Variants in LAMC3 observed in about 807,000 individuals in gnomAD.
LAMC3 encodes laminin subunit gamma-3.
A neutral mutation model predicts 173.8 loss-of-function variants in LAMC3; 128 were observed. The observed-to-expected ratio is 0.74, with a 90% confidence interval of 0.64 to 0.85. The LOEUF (loss-of-function observed/expected upper bound fraction) is 0.85, where lower values mean the gene tolerates loss of function less well. Among genes scored for constraint, LAMC3 ranks in the 40% least tolerant of loss-of-function variants. The pLI is 0.00. For missense variants in LAMC3, 2,022 were observed against 2,156.0 expected (o/e 0.94, Z 1.23); for synonymous variants, 897 against 909.1 (o/e 0.99, Z 0.24).
intron 1 of LAMC3, among the ~76,000 whole-genome samples, chr9:131,010,753 C>T (rs1833401218): frequency 2.0e-5 from 3 of 152,354 alleles, no homozygotes; most frequent in African/African-American, 4.8e-5. Context: ...GCCTCTCTGC[C>T]CTGCTCATGA....
intron 7 of LAMC3, 74 bp from the exon 8 acceptor site, chr9:131,045,450 C>T (rs1314610727): frequency 6.4e-7 from 1 of 1,561,156 alleles, no homozygotes; most frequent in African/African-American, 1.4e-5. Context: ...ATTGGTCCAG[C>T]TGGGATACCC....
chr9:131,040,793 C>T (rs1391539954), intron 6 of LAMC3, among the ~76,000 whole-genome samples: 1 of 152,198 alleles, frequency 6.6e-6, no homozygotes, highest in Non-Finnish European at 1.5e-5. Context: ...CCACCTGCCC[C>T]TCGCCTGCAC....
chr9:131,039,422 C>T (rs534288484), intron 6 of LAMC3, among the ~76,000 whole-genome samples, 174 bp downstream of exon 6: 91 of 152,262 alleles, frequency 6.0e-4, no homozygotes, highest in African/African-American at 2.0e-3. Flanking sequence ...GAGACAAAAA[C>T]AGACCTTAAT....
At position 131,059,923 on chromosome 9, in the gene LAMC3, C is replaced by T. The variant is rs1246484848; in HGVS notation, c.2159-1112C>T. On this transcript the variant is annotated intron_variant, in intron 12 of 27. Coordinates refer to ENST00000361069, the MANE Select transcript of LAMC3 (RefSeq NM_006059.4). ...GTTCTCACTCTTCCTCCCAGGTCACCTGTGCCTTGGCTGCTGGGGTGCTGC... is the reference window on the plus strand; with the variant it reads ...GTTCTCACTCTTCCTCCCAGGTCACTTGTGCCTTGGCTGCTGGGGTGCTGC... 4.6e-5 allele frequency among the ~76,000 whole-genome samples: 7 copies of T among 152,244 alleles called. 1 individual carries two copies. The highest frequency in any genetic ancestry group is 1.7e-4 in the African/African-American group (7 of 41,464).
intron 2 of LAMC3, among the ~76,000 whole-genome samples, chr9:131,030,766 G>A (rs1231755029): frequency 3.3e-5 from 5 of 152,228 alleles, no homozygotes; most frequent in African/African-American, 1.2e-4. Flanking sequence ...GCCACAGCGC[G>A]TTCAGCTCTG....
Position 131,049,055 on chromosome 9 carries a change from T to C in LAMC3, c.1555T>C (p.Ser519Pro). ...CTGGTGGGCCAGAAGTGTGGGGGGC[T>C]CTGAGCACCCCCCACAATGGAGCCC... ...EGWWARSVGGSEHPPQWSPNG... is the reference protein window; with the variant it reads ...EGWWARSVGGPEHPPQWSPNG... Residue 519 changes from serine (S) to proline (P), a missense_variant, in exon 9 of 28, where the codon TCT (serine) becomes CCT (proline). Ser to Pro is a moderately conservative substitution (Grantham distance 74). Coordinates refer to ENST00000361069, the MANE Select transcript of LAMC3 (RefSeq NM_006059.4). 4 of 1,551,570 alleles carry C rather than the reference T, an allele frequency of 2.6e-6. No individual in the cohort carries two copies. The highest frequency in any genetic ancestry group is 3.5e-6 in the Non-Finnish European group (4 of 1,146,918).
intron 19 of LAMC3, 46 bp from the exon 20 acceptor site, chr9:131,073,199 T>C: frequency 7.0e-7 from 1 of 1,436,010 alleles, no homozygotes; most frequent in Non-Finnish European, 9.8e-7. Flanking sequence ...CCCTTACCCT[T>C]TGGCGATGGG....
intron 13 of LAMC3, among the ~76,000 whole-genome samples, chr9:131,064,677 A>G (rs1363339333): frequency 2.0e-4 from 1 of 4,976 alleles, no homozygotes; most frequent in Non-Finnish European, 5.7e-4. Flanking sequence ...AAAAAAAAAA[A>G]AAAGAAATGT....
intron 24 of LAMC3, 22 bp from the exon 25 acceptor site, chr9:131,085,502 C>G: frequency 1.2e-6 from 2 of 1,613,214 alleles, no homozygotes; most frequent in Non-Finnish European, 1.7e-6. Context: ...TTCCCCTGAC[C>G]CAGCCTCAGC....
At chr9:131,086,972 G>C (rs986309111) in intron 25 of LAMC3, among the ~76,000 whole-genome samples, 3 of 152,022 alleles carry the variant, frequency 2.0e-5, no homozygotes, top group African/African-American at 7.2e-5. Context: ...CAAGCCTCCT[G>C]CCTCAGCCTC....
At position 131,009,385 on chromosome 9, in the gene LAMC3, G is replaced by A. The variant is rs1284476034; in HGVS notation, c.171G>A (p.Pro57=). The part of the protein sequence containing the change: ...LAQASHTCGS[P]PEDFCPHVGA... ...AGGCCTCGCACACGTGCGGCAGCCC[G>A]CCCGAGGACTTCTGTCCCCACGTGG... The change falls in exon 1 of 28, where the codon CCG becomes CCA. Residue 57 remains proline, a synonymous_variant. Transcript: ENST00000361069. The surrounding 1 kb of genome is among the most constrained non-coding windows in gnomAD (Gnocchi z 4.3). 2 of 1,529,206 alleles carry A rather than the reference G, an allele frequency of 1.3e-6. No homozygotes were observed. The highest frequency in any genetic ancestry group is 2.0e-5 in the Admixed American group (1 of 50,102). 94.7% of individuals were successfully genotyped at this position (1,529,206 alleles called of 1,614,324 possible).
intron 13 of LAMC3, among the ~76,000 whole-genome samples, chr9:131,062,097 T>C (rs1348880659): frequency 2.0e-5 from 3 of 151,922 alleles, no homozygotes; most frequent in Non-Finnish European, 4.4e-5. Flanking sequence ...GCATGGTGAC[T>C]CATGCCTGTA....
Position 131,039,015 on chromosome 9 carries a change from G to C in LAMC3, c.1128G>C (p.Pro376=). 6.2e-7 allele frequency: 1 copy of C among 1,613,540 alleles called. No homozygotes were observed. Among genetic ancestry groups the C allele is most frequent in the Non-Finnish European group, 8.5e-7 (1 of 1,179,982 alleles). The change falls in exon 5 of 28, where the codon CCG becomes CCC. Residue 376 remains proline, a synonymous_variant. Transcript: ENST00000361069. ...AGGAGAATTTCTATCACTGGGACCC[G>C]CGGATGCCATGCCAGCCCTGTGACT... The part of the protein sequence containing the change: ...RCQENFYHWD[P]RMPCQPCDCQ...
intron 14 of LAMC3, among the ~76,000 whole-genome samples, chr9:131,067,868 G>A (rs764500152): frequency 7.2e-5 from 11 of 152,170 alleles, no homozygotes; most frequent in South Asian, 2.1e-4. Context: ...TACCATGACC[G>A]TCCTGGGCTG....
intron 2 of LAMC3, among the ~76,000 whole-genome samples, chr9:131,027,377 C>A (rs1180112112): frequency 6.6e-6 from 1 of 152,218 alleles, no homozygotes; most frequent in Non-Finnish European, 1.5e-5. Context: ...AGTAACAGGG[C>A]CTGCCCATGT....
intron 1 of LAMC3, among the ~76,000 whole-genome samples, chr9:131,018,357 A>G (rs536177924): frequency 6.6e-6 from 1 of 151,828 alleles, no homozygotes; most frequent in East Asian, 2.0e-4. Context: ...GTGGTCTCGA[A>G]CTCCTGAGCT....
At chr9:131,068,348 C>A in intron 15 of LAMC3, 117 bp downstream of exon 15, 1 of 1,049,174 alleles carries the variant, frequency 9.5e-7, no homozygotes. Context: ...CACTGCCAGG[C>A]ACATTGTGCC....
rs143040303 is a variant in LAMC3, at chr9:131,013,626, T to C, written c.373+4039T>C. Among the ~76,000 whole-genome samples, 30 of 152,250 alleles carry C rather than the reference T, an allele frequency of 2.0e-4. 1 individual carries two copies. The highest frequency in any genetic ancestry group is 6.5e-4 in the African/African-American group (27 of 41,542). ...GAGCAGTGCTGAGAACGAGGATGTA[T>C]GCTCAGAACATGCACTGGTGCGCAC... On this transcript the variant is annotated intron_variant, in intron 1 of 27. Transcript: ENST00000361069.
In LAMC3 at chr9:131,091,853, T is replaced by C. The variant is rs818056; in HGVS notation, c.*66T>C. On this transcript the variant is annotated 3_prime_UTR_variant, in exon 28 of 28. Coordinates refer to ENST00000361069, the MANE Select transcript of LAMC3 (RefSeq NM_006059.4). ...TTTACATGACCCAGGGGGTGCACAC[T>C]ACCCCACAGGTGTGCCCATACAGAC... 373,495 of 1,575,750 alleles carry C rather than the reference T, an allele frequency of 0.24. 51,690 individuals are homozygous for C. The highest frequency in any genetic ancestry group is 0.59 in the African/African-American group (44,318 of 74,536).
Sources: gnomAD v4.1 joint callset for allele counts (sites outside exome capture counted in the v4.1 genomes callset) on GRCh38, gnomAD v4.1.1 for gene constraint, Gnocchi (gnomAD v3.1) non-coding constraint, MANE v1.5 for transcripts, NCBI Gene and HGNC (gene_info 2026-07-23, HGNC 2026-07-21) for gene names.